Variants in ARHGAP26 observed in about 807,000 individuals in gnomAD.
The protein encoded by ARHGAP26 is Rho GTPase activating protein 26, also known as rho GTPase-activating protein 26.
ARHGAP26 carries 38 observed loss-of-function variants against 104.8 expected under a neutral mutation model. The ratio of observed to expected loss-of-function variants is 0.36; its 90% CI spans 0.28 to 0.48. The LOEUF is 0.48. ARHGAP26 is among the 20% of genes least tolerant of loss of function. ARHGAP26 has a pLI of 0.99. For missense variants in ARHGAP26, 704 were observed against 947.9 expected (o/e 0.74, Z 3.38); for synonymous variants, 341 against 340.0 (o/e 1.00, Z -0.03).
At chr5:142,960,917 T>G (rs1770126660) in intron 11 of ARHGAP26, among the ~76,000 whole-genome samples, 1 of 152,202 alleles carries the variant, frequency 6.6e-6, no homozygotes. Flanking sequence ...GCTCACTCTT[T>G]CTTCTTCAGA....
chr5:142,904,400 G>A (rs1175971502), intron 8 of ARHGAP26, among the ~76,000 whole-genome samples: 6 of 152,124 alleles, frequency 3.9e-5, no homozygotes, highest in African/African-American at 1.4e-4. Flanking sequence ...TGAGGTGGGA[G>A]GATTGCTTAC....
At chr5:142,938,693 G>A (rs1765809003) in intron 11 of ARHGAP26, among the ~76,000 whole-genome samples, 1 of 152,214 alleles carries the variant, frequency 6.6e-6, no homozygotes, top group South Asian at 2.1e-4. Flanking sequence ...CAGGAAGCCA[G>A]GGGGACTGAG....
intron 20 of ARHGAP26, among the ~76,000 whole-genome samples, chr5:143,200,015 GT>G (rs770048678): frequency 5.3e-5 from 8 of 152,140 alleles, no homozygotes; most frequent in Non-Finnish European, 5.9e-5. Flanking sequence ...CAACCCTCTT[GT>G]CAAAATGCCC....
At chr5:143,183,377 A>G (rs1271229406) in intron 20 of ARHGAP26, among the ~76,000 whole-genome samples, 1 of 152,276 alleles carries the variant, frequency 6.6e-6, no homozygotes, top group East Asian at 1.9e-4. Flanking sequence ...TGAGGAGATA[A>G]TGAGAGCCGT....
At chr5:142,924,339 C>T (rs1322565829) in intron 10 of ARHGAP26, among the ~76,000 whole-genome samples, 5 of 152,120 alleles carry the variant, frequency 3.3e-5, no homozygotes, top group African/African-American at 1.2e-4. Context: ...ACAACATTGT[C>T]ATTAAAGCAT....
intron 10 of ARHGAP26, among the ~76,000 whole-genome samples, chr5:142,923,066 G>A (rs1211963779): frequency 6.7e-6 from 1 of 149,182 alleles, no homozygotes; most frequent in Non-Finnish European, 1.5e-5. Context: ...TAGAATTCAT[G>A]TAGTTTGAAC....
intron 11 of ARHGAP26, among the ~76,000 whole-genome samples, chr5:142,995,977 G>A (rs979352921): frequency 7.9e-5 from 12 of 152,030 alleles, no homozygotes; most frequent in African/African-American, 2.7e-4. Context: ...ACTCCCATAA[G>A]TGGGAGCTGA....
chr5:143,106,652 T>C (rs1302158502), intron 17 of ARHGAP26, among the ~76,000 whole-genome samples: 2 of 151,954 alleles, frequency 1.3e-5, no homozygotes, highest in South Asian at 2.1e-4. Flanking sequence ...TTTGTATTTT[T>C]AGTAGAGACA....
At position 142,907,671 on chromosome 5, in the gene ARHGAP26, T is replaced by C. The variant is rs187189278; in HGVS notation, c.833-33T>C. 19 of 1,476,316 alleles carry C rather than the reference T, an allele frequency of 1.3e-5. No homozygotes were observed. In the East Asian group the frequency reaches 2.5e-4, roughly 19 times the overall value. 91.5% of individuals were successfully genotyped at this position (1,476,316 alleles called of 1,614,324 possible). The stretch of plus-strand genomic sequence containing the variant: ...ATGATGTATAGCATACAGTGGAATG[T>C]ATAGATATTTTATGGGAAATATTAC... On this transcript the variant is annotated intron_variant, in intron 8 of 22. Transcript: ENST00000645722.
intron 17 of ARHGAP26, among the ~76,000 whole-genome samples, chr5:143,078,241 G>C (rs1244088450): frequency 6.6e-6 from 1 of 152,194 alleles, no homozygotes; most frequent in East Asian, 1.9e-4. Context: ...TAGCAGGGCT[G>C]GGCCTAGGGC....
chr5:142,886,946 G>A (rs534944563), intron 5 of ARHGAP26, among the ~76,000 whole-genome samples: 58 of 152,364 alleles, frequency 3.8e-4, no homozygotes, highest in Non-Finnish European at 6.8e-4. Flanking sequence ...GTGCTTCACA[G>A]TGACCAGGTC....
chr5:142,949,833 G>GGT (rs1768031236), intron 11 of ARHGAP26, among the ~76,000 whole-genome samples: 1 of 152,180 alleles, frequency 6.6e-6, no homozygotes, highest in Admixed American at 6.5e-5. Flanking sequence ...TGACATACAG[G>GGT]GTGTTGGCAT....
At chr5:142,903,711 C>A in intron 8 of ARHGAP26, 42 bp downstream of exon 8, 1 of 1,596,220 alleles carries the variant, frequency 6.3e-7, no homozygotes. Context: ...GTACTCAGGC[C>A]TCTTACCTAG....
At chr5:143,093,944 A>G (rs1040633506) in intron 17 of ARHGAP26, among the ~76,000 whole-genome samples, 4 of 152,008 alleles carry the variant, frequency 2.6e-5, no homozygotes, top group East Asian at 3.9e-4. Context: ...TTGAGGTTCA[A>G]CGCACCCCAT....
At chr5:142,782,998 C>A (rs1378427287) in intron 1 of ARHGAP26, among the ~76,000 whole-genome samples, 1 of 152,146 alleles carries the variant, frequency 6.6e-6, no homozygotes, top group African/African-American at 2.4e-5. Flanking sequence ...ATTTCCTATA[C>A]CCCCGCCCCC....
intron 5 of ARHGAP26, among the ~76,000 whole-genome samples, chr5:142,885,868 T>G (rs1757626413): frequency 6.6e-6 from 1 of 152,248 alleles, no homozygotes; most frequent in Non-Finnish European, 1.5e-5. Flanking sequence ...TAGTTTTCTT[T>G]CTTTTTTTAT....
chr5:143,084,076 G>A (rs1598936081), intron 17 of ARHGAP26, among the ~76,000 whole-genome samples: 1 of 152,156 alleles, frequency 6.6e-6, no homozygotes, highest in Non-Finnish European at 1.5e-5. Flanking sequence ...TCATCCGGAT[G>A]CATTCAAAGT....
chr5:143,195,600 G>GT, intron 20 of ARHGAP26, among the ~76,000 whole-genome samples: 1 of 152,234 alleles, frequency 6.6e-6, no homozygotes, highest in East Asian at 1.9e-4. Flanking sequence ...TTGATTTACT[G>GT]TAATAAGTTT....
intron 20 of ARHGAP26, chr5:143,166,122 G>A (rs1426702820): frequency 7.7e-7 from 1 of 1,297,476 alleles, no homozygotes; most frequent in Non-Finnish European, 1.0e-6. Flanking sequence ...TGCCCTCTGG[G>A]TTCCAGTCAT....
Sources: allele counts gnomAD v4.1 joint callset (sites outside exome capture counted in the v4.1 genomes callset), GRCh38; gene constraint gnomAD v4.1.1; transcripts MANE v1.5; gene names NCBI Gene and HGNC (gene_info 2026-07-23, HGNC 2026-07-21).